IL7: variants seen among roughly 807,000 people sequenced by gnomAD.
The protein encoded by IL7 is interleukin 7.
IL7 carries 3 observed loss-of-function variants against 21.6 expected under a neutral mutation model. The observed-to-expected ratio is 0.14, with a 90% CI of 0.06 to 0.36. The LOEUF is 0.36. Ranked by LOEUF, IL7 falls within the 10% of genes least tolerant of loss-of-function variation. The pLI is 1.00. For missense variants in IL7, 175 were observed against 200.2 expected (o/e 0.87, Z 0.76); for synonymous variants, 62 against 68.1 (o/e 0.91, Z 0.44).
rs540346952 is a variant in IL7, at chr8:78,733,409, T to C, written c.*304A>G. 5 of 232,342 alleles carry C rather than the reference T, an allele frequency of 2.2e-5. No homozygotes were observed. The highest frequency in any genetic ancestry group is 6.0e-5 in the Admixed American group (1 of 16,742). The allele number at this position is 232,342 out of a possible 1,614,324, so 14.4% of individuals were successfully genotyped here. On this transcript the variant is annotated 3_prime_UTR_variant, in exon 6 of 6. Transcript: ENST00000263851. ...ATGTCTTGAAATATTTAAACAGGTT[T>C]GAGAAGTATTATTGCAACTGATACC...
At chr8:78,736,105 C>G (rs1177638857) in intron 5 of IL7, among the ~76,000 whole-genome samples, 2 of 151,002 alleles carry the variant, frequency 1.3e-5, no homozygotes, top group African/African-American at 4.9e-5. Flanking sequence ...ATTTTTATTT[C>G]TTTACAAACT....
chr8:78,683,056 A>G (rs1307060612), intron 4 of IL7, among the ~76,000 whole-genome samples: 1 of 152,130 alleles, frequency 6.6e-6, no homozygotes, highest in African/African-American at 2.4e-5. Flanking sequence ...GGGCAGCTCT[A>G]CCCCTTTGTC....
At position 78,707,617 on chromosome 8, in the gene IL7, A is replaced by G. The variant is rs986416195; in HGVS notation, n.214+13731T>C. Among the ~76,000 whole-genome samples the G allele has an allele frequency of 3.3e-5, 5 of 152,350 alleles. No individual in the cohort carries two copies. In the South Asian group the frequency reaches 1.0e-3, roughly 32 times the overall value. On this transcript the variant is annotated intron_variant and non_coding_transcript_variant, in intron 3 of 4. Coordinates refer to the IL7 transcript ENST00000523959. The stretch of plus-strand genomic sequence containing the variant: ...TTATGATGAATGCCATGAAGAATAC[A>G]TATTTTTTGGCTATCCCACATCATA...
At chr8:78,738,725 G>T in intron 3 of IL7, 90 bp from the exon 4 acceptor site, 1 of 1,245,686 alleles carries the variant, frequency 8.0e-7, no homozygotes, top group Non-Finnish European at 1.1e-6. Flanking sequence ...CTTGAGCTAT[G>T]TTGCTAGGTA....
At chr8:78,759,991 CAG>C (rs747674101) in intron 2 of IL7, among the ~76,000 whole-genome samples, 3 of 152,264 alleles carry the variant, frequency 2.0e-5, no homozygotes, top group Admixed American at 6.5e-5. Flanking sequence ...AGAGTTCAAA[CAG>C]GGGCCATTTA....
intron 3 of IL7, among the ~76,000 whole-genome samples, chr8:78,703,540 T>TC (rs1810674977): frequency 6.6e-6 from 1 of 151,356 alleles, no homozygotes; most frequent in Admixed American, 6.6e-5. Flanking sequence ...ACCCTTCTTT[T>TC]TTTTTTTTTT....
chr8:78,696,963 AC>A (rs1018619909), intron 3 of IL7, among the ~76,000 whole-genome samples: 7 of 152,012 alleles, frequency 4.6e-5, no homozygotes, highest in African/African-American at 1.5e-4. Context: ...TTTCCGTTAG[AC>A]CTTTTTTTCT....
chr8:78,706,494 TC>T (rs1453396879), intron 3 of IL7, among the ~76,000 whole-genome samples: 1 of 152,120 alleles, frequency 6.6e-6, no homozygotes, highest in African/African-American at 2.4e-5. Context: ...GTTGCAAAGA[TC>T]CGTTGGAGAA....
chr8:78,706,974 G>C (rs889545792), intron 3 of IL7, among the ~76,000 whole-genome samples: 25 of 152,146 alleles, frequency 1.6e-4, no homozygotes, highest in South Asian at 4.1e-4. Flanking sequence ...ATAAGAAAGA[G>C]ACAGTTTATC....
chr8:78,752,497 T>A (rs1307879553), intron 2 of IL7, among the ~76,000 whole-genome samples: 1 of 152,188 alleles, frequency 6.6e-6, no homozygotes, highest in Non-Finnish European at 1.5e-5. Flanking sequence ...TGGTATTGAT[T>A]TGCATTTTTT....
chr8:78,702,694 T>G (rs1284597144), intron 3 of IL7, among the ~76,000 whole-genome samples: 2 of 152,188 alleles, frequency 1.3e-5, no homozygotes, highest in Non-Finnish European at 2.9e-5. Flanking sequence ...ACTTCCCGAT[T>G]TCTGCGTTAA....
At chr8:78,688,330 T>A (rs183628995) in intron 3 of IL7, among the ~76,000 whole-genome samples, 3 of 152,226 alleles carry the variant, frequency 2.0e-5, no homozygotes, top group African/African-American at 7.2e-5. Flanking sequence ...TAGAAGTTTT[T>A]TTAATCTTTT....
chr8:78,721,693 C>T (rs376585071), intron 3 of IL7, among the ~76,000 whole-genome samples: 17 of 151,746 alleles, frequency 1.1e-4, no homozygotes, highest in African/African-American at 3.6e-4. Flanking sequence ...TGTCATGGGG[C>T]GTTAAGATGA....
At chr8:78,715,458 T>C (rs1308765027), downstream of IL7, 1 of 812,848 alleles carries the variant, frequency 1.2e-6, no homozygotes, top group African/African-American at 1.8e-5. Flanking sequence ...AATCTGGCTT[T>C]TAAGTTGTAC....
intron 3 of IL7, among the ~76,000 whole-genome samples, chr8:78,704,387 CAAAAA>C (rs1307275741): frequency 3.1e-5 from 2 of 65,252 alleles, no homozygotes; most frequent in Non-Finnish European, 6.4e-5. Flanking sequence ...GACTCCATCT[CAAAAA>C]AAAAAAAAAA....
At chr8:78,787,102 T>C (rs896364157) in intron 2 of IL7, among the ~76,000 whole-genome samples, 1 of 152,200 alleles carries the variant, frequency 6.6e-6, no homozygotes, top group Non-Finnish European at 1.5e-5. Context: ...CTTTGTAATA[T>C]CCTTTATAAG....
chr8:78,717,193 A>C (rs929071804), downstream of IL7: 14 of 750,774 alleles, frequency 1.9e-5, no homozygotes, highest in Non-Finnish European at 4.0e-6. Flanking sequence ...GGATTTTTTA[A>C]AATTTGAACT....
At chr8:78,758,844 T>C (rs1812442665) in intron 2 of IL7, among the ~76,000 whole-genome samples, 2 of 152,126 alleles carry the variant, frequency 1.3e-5, no homozygotes, top group East Asian at 1.9e-4. Context: ...TATATTTTTA[T>C]TGAATCTACT....
chr8:78,677,690 T>A (rs1411977212), intron 4 of IL7, among the ~76,000 whole-genome samples: 1 of 152,164 alleles, frequency 6.6e-6, no homozygotes, highest in Non-Finnish European at 1.5e-5. Flanking sequence ...TGTTACTTTT[T>A]CTTATTCTTA....
Sources: gnomAD v4.1 joint callset for allele counts (sites outside exome capture counted in the v4.1 genomes callset) on GRCh38, gnomAD v4.1.1 for gene constraint, MANE v1.5 for transcripts, NCBI Gene and HGNC (gene_info 2026-07-23, HGNC 2026-07-21) for gene names.